ST6GALNAC3: variants seen among roughly 807,000 people sequenced by gnomAD.
The protein encoded by ST6GALNAC3 is alpha-N-acetylgalactosaminide alpha-2,6-sialyltransferase 3.
In ST6GALNAC3, 25 loss-of-function variants were observed where a neutral mutation model predicts 32.7. The observed-to-expected ratio is 0.76, with a 90% CI of 0.56 to 1.07. The LOEUF is 1.07. Among genes scored for constraint, ST6GALNAC3 ranks in the 50% least tolerant of loss-of-function variants. The pLI, the probability that ST6GALNAC3 is intolerant of heterozygous loss-of-function variation, is 0.00. For synonymous variants in ST6GALNAC3, 129 were observed against 133.1 expected, an observed-to-expected ratio of 0.97 and a Z score of 0.21; for missense variants, 355 against 382.4, an observed-to-expected ratio of 0.93 and a Z score of 0.60.
At chr1:76,566,277 C>A (rs1416540613) in intron 3 of ST6GALNAC3, among the ~76,000 whole-genome samples, 1 of 152,086 alleles carries the variant, frequency 6.6e-6, no homozygotes, top group African/African-American at 2.4e-5. Context: ...ATTAAAAGAT[C>A]CCAATAATAG....
At chr1:76,184,109 A>G (rs1002558957) in intron 1 of ST6GALNAC3, among the ~76,000 whole-genome samples, 1 of 151,890 alleles carries the variant, frequency 6.6e-6, no homozygotes, top group Non-Finnish European at 1.5e-5. Context: ...ATTTTAGTTC[A>G]TTTCTAATCA....
chr1:76,313,862 CG>C lies in ST6GALNAC3; in HGVS notation c.77del (p.Arg26LeufsTer3), dbSNP rs1557777964. The C allele has an allele frequency of 1.9e-6, 3 of 1,613,414 alleles. No individual in the cohort carries two copies. ...AGCGTTCCTTTTCCTGCTGGTTGTGCGTCTTGTAAATGAAGTGAATTTCCCA... is the reference window on the plus strand; with the variant it reads ...AGCGTTCCTTTTCCTGCTGGTTGTGCTCTTGTAAATGAAGTGAATTTCCCA... ...IAAFLFLLVV[R>X]LVNEVNFPLL... is the part of the protein sequence containing the mutation. On this transcript the variant is annotated frameshift_variant, in exon 2 of 5. Coordinates refer to ENST00000328299, the MANE Select transcript of ST6GALNAC3 (RefSeq NM_152996.4). LOFTEE classifies it high-confidence loss of function.
At chr1:76,161,227 A>G (rs1651780784) in intron 1 of ST6GALNAC3, among the ~76,000 whole-genome samples, 6 of 152,242 alleles carry the variant, frequency 3.9e-5, no homozygotes, top group Admixed American at 3.9e-4. Context: ...AATGAAATCA[A>G]TGATTTCTCT....
At chr1:76,437,217 G>A (rs1656202108) in intron 3 of ST6GALNAC3, among the ~76,000 whole-genome samples, 1 of 152,068 alleles carries the variant, frequency 6.6e-6, no homozygotes, top group Non-Finnish European at 1.5e-5. Context: ...ATAAAATTAA[G>A]TCTGAACGAG....
chr1:76,201,368 TACTC>T (rs1220301960), intron 1 of ST6GALNAC3, among the ~76,000 whole-genome samples: 1 of 152,196 alleles, frequency 6.6e-6, no homozygotes, highest in Non-Finnish European at 1.5e-5. Flanking sequence ...GTGTGAGACT[TACTC>T]ACTATCAATG....
intron 1 of ST6GALNAC3, among the ~76,000 whole-genome samples, chr1:76,213,382 A>T (rs868587701): frequency 6.6e-6 from 1 of 152,240 alleles, no homozygotes; most frequent in Non-Finnish European, 1.5e-5. Context: ...ACATGAAGCC[A>T]CAATGTGATT....
At chr1:76,602,320 C>T (rs1026100751) in intron 3 of ST6GALNAC3, among the ~76,000 whole-genome samples, 19 of 151,530 alleles carry the variant, frequency 1.3e-4, no homozygotes, top group African/African-American at 4.1e-4. Flanking sequence ...CATGCGCGCA[C>T]GTGTGTGTGT....
intron 2 of ST6GALNAC3, among the ~76,000 whole-genome samples, chr1:76,354,606 G>A (rs1289923221): frequency 2.0e-5 from 3 of 152,214 alleles, no homozygotes; most frequent in Non-Finnish European, 4.4e-5. Context: ...TTAAAGTGAA[G>A]TAATCCATCA....
chr1:76,258,800 C>T (rs1172055926), intron 1 of ST6GALNAC3, among the ~76,000 whole-genome samples: 2 of 152,098 alleles, frequency 1.3e-5, no homozygotes, highest in Non-Finnish European at 2.9e-5. Context: ...GTTCAGATTC[C>T]ACATACTACA....
chr1:76,371,655 C>A (rs898809745), intron 2 of ST6GALNAC3, among the ~76,000 whole-genome samples: 50 of 152,270 alleles, frequency 3.3e-4, no homozygotes, highest in African/African-American at 1.2e-3. Context: ...CGTATCTGAA[C>A]CTCTCTGTCT....
Position 76,634,205 on chromosome 1 carries a change from C to G in ST6GALNAC3, c.*5399C>G. 1.0e-6 allele frequency: 1 copy of G among 973,688 alleles called. No homozygotes were observed. The highest frequency in any genetic ancestry group is 1.2e-6 in the Non-Finnish European group (1 of 819,338). 60.3% of individuals were successfully genotyped at this position (973,688 alleles called of 1,614,324 possible). On this transcript the variant is annotated 3_prime_UTR_variant, in exon 5 of 5. Coordinates refer to ENST00000328299, the MANE Select transcript of ST6GALNAC3 (RefSeq NM_152996.4). ...TTCCTTCCATAAAGGTGAAGAACAT[C>G]TTGATGAATAAACAGTCAACTACCA...
intron 3 of ST6GALNAC3, among the ~76,000 whole-genome samples, chr1:76,530,386 A>T (rs944913352): frequency 1.3e-5 from 2 of 152,174 alleles, no homozygotes; most frequent in Non-Finnish European, 2.9e-5. Flanking sequence ...AATAAATAAA[A>T]ATAGCCTTGC....
At chr1:76,412,562 C>G (rs568490392) in intron 3 of ST6GALNAC3, 145 bp downstream of exon 3, 1 of 912,344 alleles carries the variant, frequency 1.1e-6, no homozygotes, top group East Asian at 2.7e-5. Flanking sequence ...ACTTGATAAG[C>G]CAGCCTGAGG....
chr1:76,606,076 G>C (rs1397602421), intron 3 of ST6GALNAC3, among the ~76,000 whole-genome samples: 3 of 152,038 alleles, frequency 2.0e-5, no homozygotes, highest in South Asian at 2.1e-4. Flanking sequence ...ACAGATGCTA[G>C]TGAGGCTGTG....
At chr1:76,264,542 C>T (rs1236641146) in intron 1 of ST6GALNAC3, among the ~76,000 whole-genome samples, 12 of 152,072 alleles carry the variant, frequency 7.9e-5, no homozygotes, top group South Asian at 2.1e-4. Context: ...AGGTGCTCGG[C>T]GTACCTTGCA....
intron 1 of ST6GALNAC3, among the ~76,000 whole-genome samples, chr1:76,235,667 C>A (rs763596502): frequency 2.0e-5 from 3 of 149,880 alleles, no homozygotes; most frequent in Non-Finnish European, 4.4e-5. Context: ...ATAGGAATAC[C>A]CACCTGCAAT....
At chr1:76,170,451 G>T (rs1042323883) in intron 1 of ST6GALNAC3, among the ~76,000 whole-genome samples, 1 of 152,206 alleles carries the variant, frequency 6.6e-6, no homozygotes, top group Admixed American at 6.5e-5. Context: ...CAGCATGGGG[G>T]AGGACTGTTG....
At chr1:76,542,865 G>T (rs1273441002) in intron 3 of ST6GALNAC3, among the ~76,000 whole-genome samples, 2 of 152,172 alleles carry the variant, frequency 1.3e-5, no homozygotes, top group Non-Finnish European at 2.9e-5. Flanking sequence ...ACACATGGTA[G>T]TGGTAGAATG....
chr1:76,628,870 A>G lies in ST6GALNAC3; in HGVS notation c.*64A>G. On this transcript the variant is annotated 3_prime_UTR_variant, in exon 5 of 5. Coordinates refer to ENST00000328299, the MANE Select transcript of ST6GALNAC3 (RefSeq NM_152996.4). ...TCCCCATACTGCAACTGTGATGCTG[A>G]TGATGCTAATGGAGATGATGGTAAT... is the stretch of plus-strand genomic sequence containing the variant. 6.3e-7 allele frequency: 1 copy of G among 1,588,028 alleles called. No individual in the cohort carries two copies. Among genetic ancestry groups the G allele is most frequent in the Non-Finnish European group, 8.5e-7 (1 of 1,172,260 alleles).
Sources: gnomAD v4.1 joint callset for allele counts (sites outside exome capture counted in the v4.1 genomes callset) on GRCh38, gnomAD v4.1.1 for gene constraint, MANE v1.5 for transcripts, NCBI Gene and HGNC (gene_info 2026-07-23, HGNC 2026-07-21) for gene names.